The following FTO variants were observed in gnomAD, a reference collection of about 807,000 sequenced individuals.
FTO encodes the protein alpha-ketoglutarate-dependent dioxygenase FTO.
A neutral mutation model predicts 63.9 loss-of-function variants in FTO; 47 were observed. That is an observed-to-expected ratio of 0.74 (90% CI 0.58 to 0.94). The LOEUF (loss-of-function observed/expected upper bound fraction) is 0.94. FTO is among the 40% of genes least tolerant of loss of function. The pLI, the probability that FTO is intolerant of heterozygous loss-of-function variation, is 0.00. For missense variants in FTO, 562 were observed against 618.1 expected (o/e 0.91, Z 0.96); for synonymous variants, 207 against 224.4 (o/e 0.92, Z 0.69).
chr16:53,887,125 C>T (rs902098715), intron 6 of FTO: 1 of 152,216 alleles, frequency 6.6e-6, no homozygotes, highest in Non-Finnish European at 1.5e-5. Context: ...AACGTTCAAC[C>T]TGAACTAGCT....
chr16:53,917,987 G>T (rs1466020264), intron 7 of FTO, among the ~76,000 whole-genome samples: 1 of 152,088 alleles, frequency 6.6e-6, no homozygotes, highest in Admixed American at 6.6e-5. Context: ...TGAGCTTAGT[G>T]AGACATAGCT....
intron 3 of FTO, among the ~76,000 whole-genome samples, chr16:53,843,335 T>C (rs1472767067): frequency 6.6e-6 from 1 of 152,220 alleles, no homozygotes; most frequent in East Asian, 1.9e-4. Flanking sequence ...AGTGTGAGTG[T>C]GCCATTTTAC....
At chr16:54,022,237 G>C (rs2144156456) in intron 8 of FTO, among the ~76,000 whole-genome samples, 1 of 152,320 alleles carries the variant, frequency 6.6e-6, no homozygotes, top group South Asian at 2.1e-4. Context: ...CGTCTCCTAG[G>C]TGAGCGGCTC....
intron 8 of FTO, among the ~76,000 whole-genome samples, chr16:54,011,549 GAGATGGTATGTC>G (rs760879201): frequency 0.017 from 2,536 of 152,268 alleles, 44 homozygotes; most frequent in Non-Finnish European, 0.026. Flanking sequence ...TTGTGTTTTG[GAGATGGTATGTC>G]TTTACAAACT....
chr16:54,098,205 T>C (rs1304839398), intron 8 of FTO, among the ~76,000 whole-genome samples: 1 of 152,168 alleles, frequency 6.6e-6, no homozygotes, highest in Non-Finnish European at 1.5e-5. Context: ...AAATTAGCAT[T>C]TTTCTTTTGA....
chr16:53,964,658 G>T (rs1362816232), intron 8 of FTO, among the ~76,000 whole-genome samples: 1 of 152,110 alleles, frequency 6.6e-6, no homozygotes, highest in African/African-American at 2.4e-5. Flanking sequence ...AAGATGTTTG[G>T]TATCAATTCT....
intron 7 of FTO, among the ~76,000 whole-genome samples, chr16:53,915,657 A>C (rs1156263914): frequency 2.0e-5 from 3 of 152,276 alleles, no homozygotes; most frequent in African/African-American, 7.2e-5. Flanking sequence ...CGAACACAGG[A>C]GGGAGGAGGA....
intron 8 of FTO, among the ~76,000 whole-genome samples, chr16:54,086,367 A>G (rs1033121861): frequency 1.3e-5 from 2 of 152,234 alleles, no homozygotes; most frequent in Admixed American, 1.3e-4. Context: ...AGAGTTAATA[A>G]TTGGATCCTG....
chr16:53,732,975 C>G (rs2076308596), intron 1 of FTO, among the ~76,000 whole-genome samples: 1 of 152,220 alleles, frequency 6.6e-6, no homozygotes, highest in Admixed American at 6.5e-5. Context: ...TAAATCCCAG[C>G]CCTGTAGCCA....
At chr16:53,963,433 G>A (rs2083127169) in intron 8 of FTO, among the ~76,000 whole-genome samples, 1 of 152,178 alleles carries the variant, frequency 6.6e-6, no homozygotes, top group Non-Finnish European at 1.5e-5. Flanking sequence ...CTGTGTCTCT[G>A]ACCAAATCTC....
At chr16:54,026,125 A>G (rs1361550846) in intron 8 of FTO, among the ~76,000 whole-genome samples, 1 of 152,250 alleles carries the variant, frequency 6.6e-6, no homozygotes, top group African/African-American at 2.4e-5. Context: ...AAAGACCAGA[A>G]AAACGGTAAC....
chr16:54,096,356 G>A lies in FTO; in HGVS notation c.1365-15406G>A, dbSNP rs114299678. On this transcript the variant is annotated intron_variant, in intron 8 of 8. Transcript: ENST00000471389. ...ACACTATGACATCTTTGGAGTTCAG[G>A]GGCTTGTTAACATGACAATCCTGAT... Among the ~76,000 whole-genome samples, 837 of 152,276 alleles carry A rather than the reference G, an allele frequency of 5.5e-3. 11 individuals are homozygous for A. The highest frequency in any genetic ancestry group is 0.019 in the African/African-American group (782 of 41,550).
At chr16:53,810,776 G>A (rs375425535) in intron 2 of FTO, among the ~76,000 whole-genome samples, 1 of 152,316 alleles carries the variant, frequency 6.6e-6, no homozygotes, top group East Asian at 1.9e-4. Context: ...TGCCTTAGAA[G>A]TCTAGGAGTA....
intron 6 of FTO, among the ~76,000 whole-genome samples, chr16:53,882,927 T>G (rs1014052896): frequency 1.3e-5 from 2 of 152,202 alleles, no homozygotes; most frequent in Non-Finnish European, 2.9e-5. Context: ...CTTTTGATGC[T>G]GAGCTCAAGT....
At chr16:54,095,440 C>CTTTTT (rs144637373) in intron 8 of FTO, among the ~76,000 whole-genome samples, 23 of 147,030 alleles carry the variant, frequency 1.6e-4, no homozygotes, top group African/African-American at 5.7e-4. Context: ...TCTATTCACT[C>CTTTTT]TTTTTTTTTT....
At chr16:53,909,631 A>G (rs1246482475) in intron 7 of FTO, among the ~76,000 whole-genome samples, 2 of 138,610 alleles carry the variant, frequency 1.4e-5, no homozygotes, top group Non-Finnish European at 3.0e-5. Flanking sequence ...TGGTGCAATC[A>G]TGGCTCACTG....
chr16:53,984,321 C>CT (rs5816913), intron 8 of FTO, among the ~76,000 whole-genome samples: 15,529 of 67,142 alleles, frequency 0.23, 4,865 homozygotes, highest in East Asian at 0.52. Context: ...TGGAATGGGT[C>CT]TTTTTTTTTT....
chr16:54,094,641 T>A (rs1244809429), intron 8 of FTO, among the ~76,000 whole-genome samples: 1 of 152,220 alleles, frequency 6.6e-6, no homozygotes, highest in Non-Finnish European at 1.5e-5. Context: ...TTTGGCGTGA[T>A]TCCTTCTTTT....
chr16:54,029,967 C>T (rs1431576623), intron 8 of FTO, among the ~76,000 whole-genome samples: 2 of 152,156 alleles, frequency 1.3e-5, no homozygotes, highest in African/African-American at 4.8e-5. Context: ...AAGTAAGCTT[C>T]GTAAATCTAT....
Sources: gnomAD v4.1 joint callset for allele counts (sites outside exome capture counted in the v4.1 genomes callset) on GRCh38, gnomAD v4.1.1 for gene constraint, MANE v1.5 for transcripts, NCBI Gene and HGNC (gene_info 2026-07-23, HGNC 2026-07-21) for gene names.